PTAR1: variants seen among roughly 807,000 people sequenced by gnomAD.
PTAR1 encodes the protein protein prenyltransferase alpha subunit repeat containing 1.
In PTAR1, 17 loss-of-function variants were observed where a neutral mutation model predicts 45.5. The ratio of observed to expected loss-of-function variants is 0.37; its 90% confidence interval spans 0.26 to 0.56. PTAR1 has a LOEUF of 0.56. PTAR1 is among the 20% of genes least tolerant of loss of function. PTAR1 has a pLI of 0.77. For missense variants in PTAR1, 391 were observed against 476.3 expected, an observed-to-expected ratio of 0.82 and a Z score of 1.67; for synonymous variants, 169 against 171.3, an observed-to-expected ratio of 0.99 and a Z score of 0.11.
At position 69,750,801 on chromosome 9, in the gene PTAR1, T is replaced by C; in HGVS notation, c.236A>G (p.Lys79Arg). ...CTTACCATCTCTGTTCAGCCATTGC[T>C]TTCTTGTTCTGTACAAAAGGAGCTT... ...HNKLLLYRTR[K>R]QWLNRDELID... Residue 79 changes from lysine (K) to arginine (R), a missense_variant, in exon 2 of 8, where the codon AAG becomes AGG. Transcript: ENST00000340434. 1 of 1,607,898 alleles carries C rather than the reference T, an allele frequency of 6.2e-7. No individual in the cohort carries two copies. The highest frequency in any genetic ancestry group is 8.5e-7 in the Non-Finnish European group (1 of 1,177,690).
intron 5 of PTAR1, among the ~76,000 whole-genome samples, chr9:69,727,194 T>C (rs1386805603): frequency 2.6e-5 from 4 of 152,168 alleles, no homozygotes; most frequent in African/African-American, 9.7e-5. Flanking sequence ...ACATTTAAGA[T>C]AACGCTCTTA....
chr9:69,759,930 C>G lies in PTAR1; in HGVS notation c.9G>C (p.Glu3Asp). ...CCAGCACCGCCACCTCCTCGCTGGT[C>G]TCGGCCATGTTGGCGGCGGCCGCGA... is the stretch of plus-strand genomic sequence containing the variant. The part of the protein sequence containing the change: MA[E>D]TSEEVAVLVQ... Residue 3 changes from glutamate (E) to aspartate (D), a missense_variant, in exon 1 of 8, where the codon GAG (glutamate) becomes GAC (aspartate). Glu to Asp is a conservative substitution (Grantham distance 45). This residue lies in a region of PTAR1 where 152 missense variants were observed against 160.0 expected (regional missense o/e 0.95). Coordinates refer to ENST00000340434, the MANE Select transcript of PTAR1 (RefSeq NM_001099666.2). 6.6e-7 allele frequency: 1 copy of G among 1,510,870 alleles called. No individual in the cohort carries two copies. The highest frequency in any genetic ancestry group is 8.9e-7 in the Non-Finnish European group (1 of 1,129,490). 93.6% of individuals were successfully genotyped at this position (1,510,870 alleles called of 1,614,324 possible).
chr9:69,738,397 A>G lies in PTAR1; in HGVS notation c.323+3395T>C, dbSNP rs376789580. On this transcript the variant is annotated intron_variant, in intron 3 of 7. Coordinates refer to ENST00000340434, the MANE Select transcript of PTAR1 (RefSeq NM_001099666.2). ...TTGGTGCACAGCTCAACCTTAAGAAATACAGAGTTATGCTCTACCTTGTAG... is the reference window on the plus strand; with the variant it reads ...TTGGTGCACAGCTCAACCTTAAGAAGTACAGAGTTATGCTCTACCTTGTAG... 3.9e-5 allele frequency among the ~76,000 whole-genome samples: 6 copies of G among 152,222 alleles called. No individual in the cohort carries two copies. The East Asian group carries it at 1.2e-3, about 29-fold the overall frequency.
chr9:69,725,358 G>A (rs976954364), intron 5 of PTAR1, among the ~76,000 whole-genome samples: 2 of 152,056 alleles, frequency 1.3e-5, no homozygotes, highest in African/African-American at 4.8e-5. Flanking sequence ...GGGAGGCTGG[G>A]GCGGACGGAT....
Position 69,718,375 on chromosome 9 carries a change from T to A in PTAR1, c.1176A>T (p.Ala392=). Residue 392 remains alanine, a synonymous_variant, in exon 8 of 8, where the codon GCA becomes GCT. Transcript: ENST00000340434. Reference sequence around the variant, plus strand: ...TCAAAGTAACCAGCCATTTCCTGTATGCACTGGCAAACCTGGCTTGCTCCA... The same window carrying A: ...TCAAAGTAACCAGCCATTTCCTGTAAGCACTGGCAAACCTGGCTTGCTCCA... ...RNVEQARFAS[A]YRKWLVTLSQ is the part of the protein sequence containing the mutation. 1 of 1,612,052 alleles carries A rather than the reference T, an allele frequency of 6.2e-7. No homozygotes were observed. The highest frequency in any genetic ancestry group is 8.5e-7 in the Non-Finnish European group (1 of 1,178,598).
chr9:69,732,962 TA>T (rs1194048631), intron 4 of PTAR1, among the ~76,000 whole-genome samples: 2 of 152,144 alleles, frequency 1.3e-5, no homozygotes, highest in African/African-American at 2.4e-5. Flanking sequence ...TGTATTTACA[TA>T]AAAAACACTA....
intron 6 of PTAR1, among the ~76,000 whole-genome samples, chr9:69,721,280 A>G (rs912858259): frequency 2.0e-5 from 3 of 152,126 alleles, no homozygotes; most frequent in African/African-American, 7.2e-5. Context: ...GTCACGGCAA[A>G]TGTGGTGGAA....
intron 2 of PTAR1, 74 bp from the exon 3 acceptor site, chr9:69,741,932 T>G: frequency 1.1e-6 from 1 of 881,516 alleles, no homozygotes; most frequent in Non-Finnish European, 1.8e-6. Context: ...TCTTTTAAGG[T>G]TCTCTTTCTC....
At chr9:69,721,339 T>C (rs1468532098) in intron 6 of PTAR1, among the ~76,000 whole-genome samples, 2 of 152,182 alleles carry the variant, frequency 1.3e-5, no homozygotes, top group East Asian at 1.9e-4. Flanking sequence ...TGTGACTGAA[T>C]TGCTTACAAT....
intron 3 of PTAR1, among the ~76,000 whole-genome samples, chr9:69,739,831 A>G (rs1825962198): frequency 6.6e-6 from 1 of 152,174 alleles, no homozygotes; most frequent in African/African-American, 2.4e-5. Context: ...AAAAATCAAG[A>G]TTCCCTTTCT....
intron 2 of PTAR1, among the ~76,000 whole-genome samples, chr9:69,749,521 G>A (rs1440807933): frequency 1.3e-5 from 2 of 152,006 alleles, no homozygotes; most frequent in Non-Finnish European, 2.9e-5. Context: ...GCCTTAAAGT[G>A]TATGCCATAA....
chr9:69,727,160 A>G (rs1392468745), intron 5 of PTAR1, among the ~76,000 whole-genome samples: 1 of 152,074 alleles, frequency 6.6e-6, no homozygotes, highest in Non-Finnish European at 1.5e-5. Context: ...ACCTCACATA[A>G]GTATTTTATT....
Position 69,713,280 on chromosome 9 carries a change from C to G in PTAR1, c.*5062G>C, listed in dbSNP as rs1485311781. 6.6e-6 allele frequency: 1 copy of G among 151,972 alleles called. No homozygotes were observed. The highest frequency in any genetic ancestry group is 1.5e-5 in the Non-Finnish European group (1 of 67,990). The allele number at this position is 151,972 out of a possible 1,614,324, so 9.4% of individuals were successfully genotyped here. On this transcript the variant is annotated 3_prime_UTR_variant, in exon 8 of 8. Transcript: ENST00000340434. ...AGTCAAAGTTGGGAGCCTGAGGTTTCCTCTCCCACCTGAGATCCACAACTG... is the reference window on the plus strand; with the variant it reads ...AGTCAAAGTTGGGAGCCTGAGGTTTGCTCTCCCACCTGAGATCCACAACTG...
At chr9:69,754,133 C>T (rs537521122) in intron 1 of PTAR1, among the ~76,000 whole-genome samples, 1 of 152,286 alleles carries the variant, frequency 6.6e-6, no homozygotes, top group Admixed American at 6.5e-5. Context: ...CTTCAGACTT[C>T]TGTGTCTCAT....
intron 1 of PTAR1, among the ~76,000 whole-genome samples, chr9:69,755,899 GT>G (rs1362422361): frequency 3.9e-5 from 6 of 152,026 alleles, no homozygotes; most frequent in Admixed American, 3.3e-4. Flanking sequence ...GCACGGTTAG[GT>G]TTTACATATA....
rs1053239771 is a variant in PTAR1, at chr9:69,714,167, A to G, written c.*4175T>C. 1 of 152,148 alleles carries G rather than the reference A, an allele frequency of 6.6e-6. No individual in the cohort carries two copies. 9.4% of individuals were successfully genotyped at this position (152,148 alleles called of 1,614,324 possible). On this transcript the variant is annotated 3_prime_UTR_variant, in exon 8 of 8. Transcript: ENST00000340434. The stretch of plus-strand genomic sequence containing the variant: ...CATACCTAGGTATGGGGAGGCAGCA[A>G]CACATAAAGTGCTAGGGTTTGCACA...
At chr9:69,724,480 A>G (rs956467842) in intron 5 of PTAR1, among the ~76,000 whole-genome samples, 10 of 152,340 alleles carry the variant, frequency 6.6e-5, no homozygotes, top group African/African-American at 1.4e-4. Flanking sequence ...CAGACCAGCT[A>G]AGGAAAAAAG....
intron 3 of PTAR1, among the ~76,000 whole-genome samples, chr9:69,739,395 C>CA (rs1024982971): frequency 8.3e-4 from 85 of 102,976 alleles, no homozygotes; most frequent in East Asian, 7.2e-3. Context: ...ATTTCCAAAG[C>CA]AAAAAAAAAA....
chr9:69,717,196 C>T lies in PTAR1; in HGVS notation c.*1146G>A, dbSNP rs573431379. ...TGCCAGTAAACTTTAACAGTCACTT[C>T]ATGATAATTTTATAGTTTCCATAGT... On this transcript the variant is annotated 3_prime_UTR_variant, in exon 8 of 8. Transcript: ENST00000340434. 1.2e-4 allele frequency: 18 copies of T among 152,258 alleles called. No individual in the cohort carries two copies. The highest frequency in any genetic ancestry group is 4.3e-4 in the African/African-American group (18 of 41,548). The allele number at this position is 152,258 out of a possible 1,614,324, so 9.4% of individuals were successfully genotyped here. A position where few individuals can be genotyped will look rare whatever the true frequency, so the allele number is the denominator to read the frequency against.
Sources: gnomAD v4.1 joint callset for allele counts (sites outside exome capture counted in the v4.1 genomes callset) on GRCh38, gnomAD v4.1.1 for gene constraint, gnomAD v4.1.1 regional missense constraint, MANE v1.5 for transcripts, NCBI Gene and HGNC (gene_info 2026-07-23, HGNC 2026-07-21) for gene names.